Variants in ZNF791 observed in about 807,000 individuals in gnomAD.
ZNF791 encodes the protein zinc finger protein 791.
A neutral mutation model predicts 11.5 loss-of-function variants in ZNF791; 4 were observed. The observed-to-expected ratio is 0.35, with a 90% CI of 0.17 to 0.80. ZNF791 has a LOEUF of 0.80. Among genes scored for constraint, ZNF791 ranks in the 30% least tolerant of loss-of-function variants. The pLI is 0.53. For missense variants in ZNF791, 559 were observed against 699.4 expected (o/e 0.80, Z 2.26); for synonymous variants, 212 against 228.1 (o/e 0.93, Z 0.64).
chr19:12,625,781 T>C lies in ZNF791; in HGVS notation c.191+1071T>C, dbSNP rs974881298. ...GCCTGGGCGACAGAGTGAGACTCCA[T>C]CTCAAAAAAAAAAAAAAAGAAGAAG... On this transcript the variant is annotated intron_variant, in intron 3 of 3. Transcript: ENST00000343325. 7.4e-5 allele frequency among the ~76,000 whole-genome samples: 10 copies of C among 135,050 alleles called. 1 individual carries two copies. The Admixed American group carries it at 7.6e-4, about 10-fold the overall frequency. 88.6% of individuals were successfully genotyped at this position (135,050 alleles called of 152,430 possible).
rs2023489649 is a variant in ZNF791 at position 12,630,439 on chromosome 19, A to G, written c.*1179A>G. ...CACTACACTCCAGCCTGGGTGACAG[A>G]GCGAGACTCCGTCTCGAAAAAAAAA... On this transcript the variant is annotated 3_prime_UTR_variant, in exon 4 of 4. Coordinates refer to ENST00000343325, the MANE Select transcript of ZNF791 (RefSeq NM_153358.3). 6.6e-6 allele frequency: 1 copy of G among 152,046 alleles called. No homozygotes were observed. Among genetic ancestry groups the G allele is most frequent in the Admixed American group, 6.6e-5 (1 of 15,238 alleles). The allele number at this position is 152,046 out of a possible 1,614,324, so 9.4% of individuals were successfully genotyped here. A position where few individuals can be genotyped will look rare whatever the true frequency, so the allele number is the denominator to read the frequency against.
At chr19:12,618,181 G>A (rs1295220430) in intron 1 of ZNF791, among the ~76,000 whole-genome samples, 1 of 152,004 alleles carries the variant, frequency 6.6e-6, no homozygotes, top group Non-Finnish European at 1.5e-5. Context: ...GCTTTGCAAG[G>A]TGCTGGGATT....
intron 1 of ZNF791, among the ~76,000 whole-genome samples, chr19:12,620,868 C>T (rs1226628778): frequency 2.1e-5 from 3 of 142,024 alleles, no homozygotes; most frequent in South Asian, 4.5e-4. Flanking sequence ...TCAAGCGATT[C>T]TCCTGCCTCT....
intron 1 of ZNF791, chr19:12,612,418 A>ACC (rs1364557751): frequency 8.8e-5 from 13 of 147,004 alleles, no homozygotes; most frequent in African/African-American, 2.7e-4. Flanking sequence ...TCCTTTATTT[A>ACC]TTTATTTATT....
At chr19:12,622,730 T>TA (rs1232063383) in intron 1 of ZNF791, among the ~76,000 whole-genome samples, 2 of 151,634 alleles carry the variant, frequency 1.3e-5, no homozygotes, top group Admixed American at 1.3e-4. Context: ...CCATCTCTAC[T>TA]AAAAATACAA....
At position 12,621,716 on chromosome 19, in the gene ZNF791, G is replaced by T. The variant is rs1008297364; in HGVS notation, c.4-1984G>T. Among the ~76,000 whole-genome samples, 27 of 86,882 alleles carry T rather than the reference G, an allele frequency of 3.1e-4. 1 individual carries two copies. Among genetic ancestry groups the T allele is most frequent in the Middle Eastern group, 0.011 (2 of 184 alleles). The allele number at this position is 86,882 out of a possible 152,430, so 57.0% of individuals were successfully genotyped here. On this transcript the variant is annotated intron_variant, in intron 1 of 3. Transcript: ENST00000343325. ...TTTACTTATTAAAACCTCCACCTCG[G>T]TGGGGGGTCAGCCCCCCTGCCCGGC...
At chr19:12,626,717 G>C (rs1437213826) in intron 3 of ZNF791, among the ~76,000 whole-genome samples, 1 of 151,966 alleles carries the variant, frequency 6.6e-6, no homozygotes, top group African/African-American at 2.4e-5. Flanking sequence ...CCATTCTCCT[G>C]CCTCAGCCTC....
chr19:12,614,635 C>T (rs1463002906), intron 1 of ZNF791, among the ~76,000 whole-genome samples: 3 of 148,370 alleles, frequency 2.0e-5, no homozygotes, highest in Non-Finnish European at 3.0e-5. Context: ...GCTCTTGTTG[C>T]CCAGGCTGGA....
chr19:12,611,699 T>A (rs2023160194), intron 1 of ZNF791, among the ~76,000 whole-genome samples: 1 of 152,214 alleles, frequency 6.6e-6, no homozygotes, highest in East Asian at 1.9e-4. Context: ...GAAAAATTAT[T>A]CACTTGGAAC....
At chr19:12,627,514 T>C (rs1469270117) in intron 3 of ZNF791, among the ~76,000 whole-genome samples, 1 of 152,036 alleles carries the variant, frequency 6.6e-6, no homozygotes, top group Non-Finnish European at 1.5e-5. Flanking sequence ...TAATCCCAGC[T>C]ACTTGGGAGG....
At chr19:12,625,262 A>G (rs1266578819) in intron 3 of ZNF791, among the ~76,000 whole-genome samples, 3 of 150,906 alleles carry the variant, frequency 2.0e-5, no homozygotes, top group Admixed American at 2.0e-4. Context: ...CTGGGATTAC[A>G]GGGACGTGCC....
chr19:12,622,014 A>C (rs2145187601), intron 1 of ZNF791, among the ~76,000 whole-genome samples: 2 of 135,928 alleles, frequency 1.5e-5, no homozygotes, highest in Admixed American at 1.5e-4. Flanking sequence ...ACTAAGAAAA[A>C]TTCCTCTGCC....
chr19:12,626,032 T>G (rs554495230), intron 3 of ZNF791, among the ~76,000 whole-genome samples: 135 of 152,176 alleles, frequency 8.9e-4, no homozygotes, highest in African/African-American at 3.1e-3. Context: ...GTTTTGTTTT[T>G]TTTGAGACGG....
intron 1 of ZNF791, among the ~76,000 whole-genome samples, chr19:12,614,886 T>C (rs2023217229): frequency 2.3e-5 from 3 of 129,668 alleles, no homozygotes; most frequent in East Asian, 2.4e-4. Flanking sequence ...AGCCACTGCG[T>C]CCGGCCTTTT....
chr19:12,622,417 A>AC (rs2023367697), intron 1 of ZNF791, among the ~76,000 whole-genome samples: 1 of 145,110 alleles, frequency 6.9e-6, no homozygotes, highest in African/African-American at 2.5e-5. Flanking sequence ...CAAACAAAAA[A>AC]AAAAAAAAAA....
Position 12,623,693 on chromosome 19 carries a change from G to A in ZNF791, c.4-7G>A, listed in dbSNP as rs372838223. ...CACCTATTCTCTACTTATATTGGAT[G>A]TTTCAGGACTCAGTGGCTTTTGAGG... On this transcript the variant is annotated splice_region_variant and splice_polypyrimidine_tract_variant and intron_variant, in intron 1 of 3. Coordinates refer to ENST00000343325, the MANE Select transcript of ZNF791 (RefSeq NM_153358.3). 67 of 1,613,932 alleles carry A rather than the reference G, an allele frequency of 4.2e-5. No individual in the cohort carries two copies. Among genetic ancestry groups the A allele is most frequent in the Non-Finnish European group, 5.4e-5 (64 of 1,180,024 alleles).
At chr19:12,613,124 A>G (rs1418023977) in intron 1 of ZNF791, among the ~76,000 whole-genome samples, 1 of 151,772 alleles carries the variant, frequency 6.6e-6, no homozygotes. Flanking sequence ...TGCCCGGCTA[A>G]TTTTTTTGTA....
chr19:12,621,133 T>C (rs1253995532), intron 1 of ZNF791, among the ~76,000 whole-genome samples: 3 of 152,164 alleles, frequency 2.0e-5, no homozygotes, highest in Non-Finnish European at 4.4e-5. Context: ...ATCAGACCAT[T>C]GTGGACATCA....
rs115858040 is a variant in ZNF791 at position 12,610,934 on chromosome 19, T to A, written c.-146T>A. The A allele has an allele frequency of 1.6e-5, 18 of 1,144,998 alleles. No individual in the cohort carries two copies. Among genetic ancestry groups the A allele is most frequent in the East Asian group, 1.2e-4 (5 of 42,656 alleles). The allele number at this position is 1,144,998 out of a possible 1,614,324, so 70.9% of individuals were successfully genotyped here. A position where few individuals can be genotyped will look rare whatever the true frequency, so the allele number is the denominator to read the frequency against. The stretch of plus-strand genomic sequence containing the variant: ...CTACGCTGCGCAAATGCGTGCTACG[T>A]CACTGTGCGATCGGGTTGTGCTTAG... On this transcript the variant is annotated 5_prime_UTR_variant, in exon 1 of 4. Coordinates refer to ENST00000343325, the MANE Select transcript of ZNF791 (RefSeq NM_153358.3).
Sources: gnomAD v4.1 joint callset for allele counts (sites outside exome capture counted in the v4.1 genomes callset) on GRCh38, gnomAD v4.1.1 for gene constraint, MANE v1.5 for transcripts, NCBI Gene and HGNC (gene_info 2026-07-23, HGNC 2026-07-21) for gene names.